The following PRMT5 variants were observed in gnomAD, a reference collection of about 807,000 sequenced individuals.
The protein encoded by PRMT5 is protein arginine N-methyltransferase 5.
A neutral mutation model predicts 84.0 loss-of-function variants in PRMT5; 15 were observed. That is an observed-to-expected ratio of 0.18 (90% confidence interval 0.12 to 0.28). PRMT5 has a LOEUF of 0.28. PRMT5 is among the 10% of genes least tolerant of loss of function. PRMT5 has a pLI of 1.00. For synonymous variants in PRMT5, 276 were observed against 292.4 expected (o/e 0.94, Z 0.57); for missense variants, 486 against 808.0 (o/e 0.60, Z 4.83).
At chr14:22,927,310 A>G (rs1309648368) in intron 4 of PRMT5, among the ~76,000 whole-genome samples, 4 of 151,862 alleles carry the variant, frequency 2.6e-5, no homozygotes, top group Non-Finnish European at 5.9e-5. Flanking sequence ...GGATTTCACC[A>G]CGCTGCCCAA....
Position 22,922,216 on chromosome 14 carries a change from G to A in PRMT5, c.1721C>T (p.Pro574Leu). The A allele has an allele frequency of 6.3e-7, 1 of 1,598,070 alleles. No homozygotes were observed. The highest frequency in any genetic ancestry group is 1.3e-5 in the African/African-American group (1 of 74,682). ...TLSIRPETHS[P>L]GMFSWFPILF... ...GATGGGAAACCATGAGAACATCCCA[G>A]GAGAGTGAGTCTCTGGACGGATACC... The change falls in exon 16 of 17, where the codon CCT (proline) becomes CTT (leucine). Residue 574 changes from proline (P) to leucine (L), a missense_variant. Coordinates refer to ENST00000324366, the MANE Select transcript of PRMT5 (RefSeq NM_006109.5).
chr14:22,925,590 C>T (rs1191620479), intron 7 of PRMT5, among the ~76,000 whole-genome samples: 2 of 151,778 alleles, frequency 1.3e-5, no homozygotes, highest in East Asian at 2.0e-4. Context: ...AAGGCCGAGG[C>T]GGGTGGATCA....
In PRMT5 at chr14:22,929,335, A is replaced by C; in HGVS notation, c.27T>G (p.Ala9=). The C allele has an allele frequency of 6.2e-7, 1 of 1,610,608 alleles. No homozygotes were observed. The highest frequency in any genetic ancestry group is 8.5e-7 in the Non-Finnish European group (1 of 1,179,140). The change falls in exon 1 of 17, where the codon GCT becomes GCG. Residue 9 remains alanine, a synonymous_variant. Transcript: ENST00000324366. ...TCCCGCTGGACACGCGGCTCCCACCAGCACCCCCGACCGCCATCGCCGCCA... is the reference window on the plus strand; with the variant it reads ...TCCCGCTGGACACGCGGCTCCCACCCGCACCCCCGACCGCCATCGCCGCCA... MAAMAVGG[A]GGSRVSSGRD...
Position 22,923,174 on chromosome 14 carries a change from G to A in PRMT5, c.1376-14C>T, listed in dbSNP as rs749728976. ...TCACACCATCATCTGCACAGCAGGA[G>A]AGTCAAATTAGTTCCAGAGGGAGGG... On this transcript the variant is annotated splice_polypyrimidine_tract_variant and intron_variant, in intron 12 of 16. Coordinates refer to ENST00000324366, the MANE Select transcript of PRMT5 (RefSeq NM_006109.5). The surrounding 1 kb of genome is among the most constrained non-coding windows in gnomAD (Gnocchi z 5.2). 181 of 1,568,400 alleles carry A rather than the reference G, an allele frequency of 1.2e-4. No homozygotes were observed. The highest frequency in any genetic ancestry group is 1.5e-4 in the Non-Finnish European group (176 of 1,147,862).
At position 22,924,629 on chromosome 14, in the gene PRMT5, T is replaced by C; in HGVS notation, c.1017+3A>G. 1.9e-6 allele frequency: 3 copies of C among 1,613,936 alleles called. No homozygotes were observed. Among genetic ancestry groups the C allele is most frequent in the Non-Finnish European group, 2.5e-6 (3 of 1,179,858 alleles). On this transcript the variant is annotated splice_donor_region_variant and intron_variant, in intron 9 of 16. Transcript: ENST00000324366. This position sits in a 1 kb window ranked among gnomAD's most constrained non-coding sequence, Gnocchi z 6.5. ...TTTCCTCACCCTGGGCACCACACAG[T>C]ACCTGCTGGTACTGAGAGTATTTGA...
intron 16 of PRMT5, 113 bp from the exon 17 acceptor site, chr14:22,921,169 C>T: frequency 7.6e-7 from 1 of 1,317,302 alleles, no homozygotes; most frequent in Non-Finnish European, 1.1e-6. Flanking sequence ...TCCCAACCCT[C>T]ATGAAAGTTA....
In PRMT5 at chr14:22,928,967, C is replaced by A; in HGVS notation, c.110+285G>T. On this transcript the variant is annotated intron_variant, in intron 1 of 16. Coordinates refer to ENST00000324366, the MANE Select transcript of PRMT5 (RefSeq NM_006109.5). This position sits in a 1 kb window ranked among gnomAD's most constrained non-coding sequence, Gnocchi z 4.8. ...AAAATTAGCCTCTTCTCTCCCTTGC[C>A]CCCTAACACCTCCTCCCACTCCCAG... 3 of 663,324 alleles carry A rather than the reference C, an allele frequency of 4.5e-6. No homozygotes were observed. The South Asian group carries it at 5.9e-5, about 13-fold the overall frequency. 41.1% of individuals were successfully genotyped at this position (663,324 alleles called of 1,614,324 possible).
At chr14:22,922,085 T>C (rs1474338037) in intron 16 of PRMT5, 91 bp downstream of exon 16, 3 of 1,140,558 alleles carry the variant, frequency 2.6e-6, no homozygotes, top group African/African-American at 1.5e-5. Flanking sequence ...ACATGAGTCA[T>C]AGTCAACTAT....
At chr14:22,927,410 T>C in intron 4 of PRMT5, 116 bp downstream of exon 4, 1 of 1,434,284 alleles carries the variant, frequency 7.0e-7, no homozygotes, top group Non-Finnish European at 9.7e-7. Context: ...TGCCCGCCAA[T>C]ACTGATACTT....
rs1303811726 is a variant in PRMT5 at position 22,923,041 on chromosome 14, G to T, written c.1485+10C>A. On this transcript the variant is annotated intron_variant, in intron 13 of 16. Transcript: ENST00000324366. The surrounding 1 kb of genome is among the most constrained non-coding windows in gnomAD (Gnocchi z 5.2). ...AGTACCACTTCTTTCCAGAGAGAGT[G>T]GTTCTTTACCTCAGGGTCACGGTCC... The T allele has an allele frequency of 1.3e-6, 2 of 1,585,290 alleles. No homozygotes were observed. The highest frequency in any genetic ancestry group is 1.7e-6 in the Non-Finnish European group (2 of 1,155,958).
chr14:22,928,525 T>C lies in PRMT5; in HGVS notation c.201A>G (p.Thr67=). The C allele has an allele frequency of 3.7e-6, 6 of 1,613,702 alleles. No individual in the cohort carries two copies. Among genetic ancestry groups the C allele is most frequent in the Non-Finnish European group, 5.1e-6 (6 of 1,179,574 alleles). ...EPAKNRPGPQ[T]RSDLLLSGRD... ...TTCCTGACAGCAGTAGGTCTGATCG[T>C]GTCTGGGGACCGGGCCGATTCTTAG... Residue 67 remains threonine (T), a synonymous_variant, in exon 2 of 17, where the codon ACA becomes ACG. Transcript: ENST00000324366. This position sits in a 1 kb window ranked among gnomAD's most constrained non-coding sequence, Gnocchi z 4.8.
At chr14:22,925,320 C>T (rs767149772) in intron 7 of PRMT5, among the ~76,000 whole-genome samples, 2 of 151,832 alleles carry the variant, frequency 1.3e-5, no homozygotes, top group Non-Finnish European at 2.9e-5. Flanking sequence ...CCATGCTTGG[C>T]TAATTTTTGT....
At chr14:22,926,418 A>AATATG (rs1165511574) in intron 6 of PRMT5, 88 bp downstream of exon 6, 1 of 1,592,608 alleles carries the variant, frequency 6.3e-7, no homozygotes, top group Non-Finnish European at 8.6e-7. Flanking sequence ...GGGAAGTAGC[A>AATATG]AAATTGTATA....
rs756206882 is a variant in PRMT5 at position 22,922,850 on chromosome 14, AAG to A, written c.1486-17_1486-16del. ...TCAAACTGGGCCTGTCAGAGACAGA[AAG>A]AGAGAGAGAGTGTTGGGGAAGACAC... On this transcript the variant is annotated splice_polypyrimidine_tract_variant and intron_variant, in intron 13 of 16. Transcript: ENST00000324366. 54 of 1,608,436 alleles carry A rather than the reference AAG, an allele frequency of 3.4e-5. No homozygotes were observed. Among genetic ancestry groups the A allele is most frequent in the South Asian group, 4.4e-5 (4 of 90,782 alleles).
At position 22,928,624 on chromosome 14, in the gene PRMT5, G is replaced by A. The variant is rs752431959; in HGVS notation, c.111-9C>T. ...TGCAGAGGAAATCAAACCTACAACCGCGACAGACCCAGAATCATGTAAAGA... is the reference window on the plus strand; with the variant it reads ...TGCAGAGGAAATCAAACCTACAACCACGACAGACCCAGAATCATGTAAAGA... On this transcript the variant is annotated splice_polypyrimidine_tract_variant and intron_variant, in intron 1 of 16. Transcript: ENST00000324366. The surrounding 1 kb of genome is among the most constrained non-coding windows in gnomAD (Gnocchi z 4.8). 7.0e-6 allele frequency: 11 copies of A among 1,580,004 alleles called. 1 individual carries two copies. In the South Asian group the frequency reaches 1.1e-4, roughly 16 times the overall value.
rs936799379 is a variant in PRMT5, at chr14:22,920,784, T to C, written c.*120A>G. 14 of 1,411,908 alleles carry C rather than the reference T, an allele frequency of 9.9e-6. No homozygotes were observed. Among genetic ancestry groups the C allele is most frequent in the East Asian group, 4.6e-5 (2 of 43,828 alleles). 87.5% of individuals were successfully genotyped at this position (1,411,908 alleles called of 1,614,324 possible). A position where few individuals can be genotyped will look rare whatever the true frequency, so the allele number is the denominator to read the frequency against. On this transcript the variant is annotated 3_prime_UTR_variant, in exon 17 of 17. Transcript: ENST00000324366. ...CCTTGATGTAAGGCAGGAAAGCAGA[T>C]TGAAATGCTCCTCTCTGATGGGCAA...
rs34122546 is a variant in PRMT5 at position 22,927,547 on chromosome 14, G to A, written c.429C>T (p.His143=). 9,419 of 1,614,006 alleles carry A rather than the reference G, an allele frequency of 5.8e-3. 457 individuals carry two copies. In the African/African-American group the frequency reaches 0.11, roughly 18 times the overall value. ...NLARVLTNHI[H]TGHHSSMFWM... ...ATACCATGGAAGAGTGATGGCCAGT[G>A]TGGATGTGGTTGGTCAAAACTCTGG... Residue 143 remains histidine, a synonymous_variant, in exon 4 of 17, where the codon CAC becomes CAT. Coordinates refer to ENST00000324366, the MANE Select transcript of PRMT5 (RefSeq NM_006109.5).
chr14:22,924,024 G>A lies in PRMT5; in HGVS notation c.1359C>T (p.Ala453=). 6.4e-7 allele frequency: 1 copy of A among 1,564,824 alleles called. No individual in the cohort carries two copies. Among genetic ancestry groups the A allele is most frequent in the Non-Finnish European group, 8.6e-7 (1 of 1,157,450 alleles). Residue 453 remains alanine, a synonymous_variant, in exon 12 of 17, where the codon GCC becomes GCT. Coordinates refer to ENST00000324366, the MANE Select transcript of PRMT5 (RefSeq NM_006109.5). This position sits in a 1 kb window ranked among gnomAD's most constrained non-coding sequence, Gnocchi z 6.5. The part of the protein sequence containing the change: ...NELSPECLDG[A]QHFLKDDGVS... Reference sequence around the variant, plus strand: ...TGGGGGCACCTTTTAGGAAGTGCTGGGCTCCATCCAGGCACTCAGGCGACA... The same window carrying A: ...TGGGGGCACCTTTTAGGAAGTGCTGAGCTCCATCCAGGCACTCAGGCGACA...
intron 4 of PRMT5, 30 bp from the exon 5 acceptor site, chr14:22,926,844 T>C (rs377638135): frequency 6.6e-7 from 1 of 1,521,634 alleles, no homozygotes. Flanking sequence ...CTTTTAGAAC[T>C]CTCTTTTGAA....
Sources: gnomAD v4.1 joint callset for allele counts (sites outside exome capture counted in the v4.1 genomes callset) on GRCh38, gnomAD v4.1.1 for gene constraint, Gnocchi (gnomAD v3.1) non-coding constraint, MANE v1.5 for transcripts, NCBI Gene and HGNC (gene_info 2026-07-23, HGNC 2026-07-21) for gene names.